Variants in LAMTOR4 observed in about 807,000 individuals in gnomAD.
LAMTOR4 encodes the protein late endosomal/lysosomal adaptor, MAPK and MTOR activator 4.
LAMTOR4 carries 11 observed loss-of-function variants against 13.5 expected under a neutral mutation model. The ratio of observed to expected loss-of-function variants is 0.82; its 90% CI spans 0.51 to 1.35. The LOEUF is 1.35. Ranked by LOEUF, LAMTOR4 falls within the 40% of genes most tolerant of loss-of-function variation. LAMTOR4 has a pLI of 0.00. For missense variants in LAMTOR4, 128 were observed against 126.2 expected, an observed-to-expected ratio of 1.01 and a Z score of -0.07; for synonymous variants, 69 against 52.3, an observed-to-expected ratio of 1.32 and a Z score of -1.38.
At chr7:100,149,140 G>GA (rs1798618611) in intron 1 of LAMTOR4, 165 bp downstream of exon 1, 2 of 907,008 alleles carry the variant, frequency 2.2e-6, no homozygotes, top group Non-Finnish European at 3.3e-6. Flanking sequence ...GAATGCTGGG[G>GA]AGGGGTCTGT....
In LAMTOR4 at chr7:100,153,920, G is replaced by A. The variant is rs1335429585; in HGVS notation, c.256G>A (p.Val86Met). ...LVTVSGQRVF[V>M]VKRQNRGREP... ...GACGGTGTCAGGACAGAGGGTGTTT[G>A]TGGTGAAGAGGCAGAACCGAGGTCG... Residue 86 changes from valine (V) to methionine (M), a missense_variant, in exon 4 of 4, where the codon GTG becomes ATG. Physicochemically the swap from Val to Met is conservative, Grantham distance 21. Coordinates refer to ENST00000341942, the MANE Select transcript of LAMTOR4 (RefSeq NM_001008395.4). The A allele has an allele frequency of 2.5e-6, 4 of 1,596,226 alleles. No individual in the cohort carries two copies. Among genetic ancestry groups the A allele is most frequent in the Non-Finnish European group, 3.4e-6 (4 of 1,172,204 alleles).
intron 2 of LAMTOR4, among the ~76,000 whole-genome samples, chr7:100,151,431 C>G (rs1798698665): frequency 6.6e-6 from 1 of 151,722 alleles, no homozygotes; most frequent in African/African-American, 2.4e-5. Context: ...CTCTGTCACC[C>G]AGGCTGGAGT....
Position 100,153,848 on chromosome 7 carries a change from A to G in LAMTOR4, c.203-19A>G, listed in dbSNP as rs1798799305. The G allele has an allele frequency of 6.6e-6, 10 of 1,524,900 alleles. No individual in the cohort carries two copies. Among genetic ancestry groups the G allele is most frequent in the Non-Finnish European group, 8.0e-6 (9 of 1,118,944 alleles). The allele number at this position is 1,524,900 out of a possible 1,614,324, so 94.5% of individuals were successfully genotyped here. On this transcript the variant is annotated intron_variant, in intron 3 of 3. Coordinates refer to ENST00000341942, the MANE Select transcript of LAMTOR4 (RefSeq NM_001008395.4). ...CCCTTCCCTCTCCTGGGGCGGGGGA[A>G]GGTGTGTCTCTCCTCCAGTGGTCTT... is the stretch of plus-strand genomic sequence containing the variant.
At chr7:100,149,434 G>T in intron 1 of LAMTOR4, 65 bp from the exon 2 acceptor site, 1 of 1,113,230 alleles carries the variant, frequency 9.0e-7, no homozygotes, top group Non-Finnish European at 1.4e-6. Context: ...GGGTTTGCAG[G>T]TGAAGGGTAT....
At chr7:100,150,271 CTTAAGG>C (rs962196653) in intron 2 of LAMTOR4, among the ~76,000 whole-genome samples, 1 of 152,144 alleles carries the variant, frequency 6.6e-6, no homozygotes, top group African/African-American at 2.4e-5. Flanking sequence ...AGAGACAAAG[CTTAAGG>C]TTAAGGGTTG....
At position 100,153,937 on chromosome 7, in the gene LAMTOR4, C is replaced by T; in HGVS notation, c.273C>T (p.Asn91=). The change falls in exon 4 of 4, where the codon AAC becomes AAT. Residue 91 remains asparagine, a synonymous_variant. Coordinates refer to ENST00000341942, the MANE Select transcript of LAMTOR4 (RefSeq NM_001008395.4). ...GQRVFVVKRQ[N]RGREPIDV ...GGGTGTTTGTGGTGAAGAGGCAGAA[C>T]CGAGGTCGGGAGCCCATTGATGTCT... 6.3e-7 allele frequency: 1 copy of T among 1,592,736 alleles called. No homozygotes were observed. Among genetic ancestry groups the T allele is most frequent in the Non-Finnish European group, 8.5e-7 (1 of 1,170,170 alleles).
In LAMTOR4 at chr7:100,148,963, G is replaced by A. The variant is rs762557535; in HGVS notation, c.-10G>A. On this transcript the variant is annotated 5_prime_UTR_variant, in exon 1 of 4. Transcript: ENST00000341942. ...TCTGGTAGGGAGCTCCCCCAGCACC[G>A]AAGACTGCGATGGTGAGTGAGGACG... 3 of 1,612,008 alleles carry A rather than the reference G, an allele frequency of 1.9e-6. No homozygotes were observed. Among genetic ancestry groups the A allele is most frequent in the African/African-American group, 1.3e-5 (1 of 74,916 alleles).
At chr7:100,151,364 A>C (rs1455345549) in intron 2 of LAMTOR4, among the ~76,000 whole-genome samples, 1 of 150,406 alleles carries the variant, frequency 6.6e-6, no homozygotes, top group Non-Finnish European at 1.5e-5. Context: ...GGCATAAGCC[A>C]CTGCACCCGG....
intron 2 of LAMTOR4, among the ~76,000 whole-genome samples, chr7:100,151,913 A>G (rs1477417963): frequency 6.7e-6 from 1 of 150,326 alleles, no homozygotes; most frequent in African/African-American, 2.4e-5. Context: ...TATGTTGCCC[A>G]GGCTGGTCTC....
rs529318376 is a variant in LAMTOR4 at position 100,153,371 on chromosome 7, G to A, written c.85-29G>A. On this transcript the variant is annotated intron_variant, in intron 2 of 3. Coordinates refer to ENST00000341942, the MANE Select transcript of LAMTOR4 (RefSeq NM_001008395.4). ...TTCCTGAGCCTGTGCCGTAATGCCCGCCCCTCTCCCTCCTCCGTCTGCATG... is the reference window on the plus strand; with the variant it reads ...TTCCTGAGCCTGTGCCGTAATGCCCACCCCTCTCCCTCCTCCGTCTGCATG... 3.3e-5 allele frequency: 49 copies of A among 1,493,086 alleles called. No individual in the cohort carries two copies. The African/African-American group carries it at 4.8e-4, about 15-fold the overall frequency. The allele number at this position is 1,493,086 out of a possible 1,614,324, so 92.5% of individuals were successfully genotyped here. A position where few individuals can be genotyped will look rare whatever the true frequency, so the allele number is the denominator to read the frequency against.
intron 1 of LAMTOR4, 47 bp downstream of exon 1, chr7:100,149,022 C>T (rs893040263): frequency 1.3e-6 from 2 of 1,597,258 alleles, no homozygotes; most frequent in East Asian, 2.2e-5. Context: ...GGTTCAGCGT[C>T]TCTGCTCCCC....
chr7:100,152,221 C>G (rs1350600529), intron 2 of LAMTOR4, among the ~76,000 whole-genome samples: 5 of 152,022 alleles, frequency 3.3e-5, no homozygotes, highest in African/African-American at 1.2e-4. Flanking sequence ...AGCACCCTAG[C>G]CAACATGGTG....
In LAMTOR4 at chr7:100,153,533, T is replaced by C; in HGVS notation, c.202+16T>C. The C allele has an allele frequency of 3.1e-6, 5 of 1,597,976 alleles. No individual in the cohort carries two copies. The highest frequency in any genetic ancestry group is 1.3e-5 in the African/African-American group (1 of 74,896). Reference sequence around the variant, plus strand: ...CGCCTGTCTGGTGAGCCCCTGCCCCTGCCCTTGGTGGTGGTACTGGGAGCG... The same window carrying C: ...CGCCTGTCTGGTGAGCCCCTGCCCCCGCCCTTGGTGGTGGTACTGGGAGCG... On this transcript the variant is annotated intron_variant, in intron 3 of 3. Coordinates refer to ENST00000341942, the MANE Select transcript of LAMTOR4 (RefSeq NM_001008395.4).
chr7:100,152,383 T>C (rs181350361), intron 2 of LAMTOR4, among the ~76,000 whole-genome samples: 3 of 149,454 alleles, frequency 2.0e-5, no homozygotes, highest in East Asian at 4.0e-4. Flanking sequence ...GCCTGGGTGA[T>C]AGAGTGAGAC....
At chr7:100,153,659 G>T (rs1798789755) in intron 3 of LAMTOR4, 142 bp downstream of exon 3, 1 of 791,806 alleles carries the variant, frequency 1.3e-6, no homozygotes, top group Non-Finnish European at 2.2e-6. Context: ...GGACTCCCTG[G>T]TATCAGAATT....
Position 100,153,899 on chromosome 7 carries a change from G to T in LAMTOR4, c.235G>T (p.Val79Leu), listed in dbSNP as rs777022535. ...VFGEHTLLVT[V>L]SGQRVFVVKR... The stretch of plus-strand genomic sequence containing the variant: ...TGGAGAACACACACTGCTGGTGACG[G>T]TGTCAGGACAGAGGGTGTTTGTGGT... The change falls in exon 4 of 4, where the codon GTG (valine) becomes TTG (leucine). Residue 79 changes from valine (V) to leucine (L), a missense_variant. Val to Leu is a conservative substitution (Grantham distance 32). Transcript: ENST00000341942. 3.1e-6 allele frequency: 5 copies of T among 1,592,216 alleles called. No homozygotes were observed. The South Asian group carries it at 5.7e-5, about 18-fold the overall frequency.
chr7:100,149,381 T>C (rs1392339033), intron 1 of LAMTOR4, 118 bp from the exon 2 acceptor site: 3 of 749,038 alleles, frequency 4.0e-6, no homozygotes, highest in Non-Finnish European at 7.3e-6. Flanking sequence ...GGGACCTGGC[T>C]GGGGAATGAG....
At position 100,154,009 on chromosome 7, in the gene LAMTOR4, C is replaced by A; in HGVS notation, c.*45C>A. 7.0e-7 allele frequency: 1 copy of A among 1,438,620 alleles called. No individual in the cohort carries two copies. Among genetic ancestry groups the A allele is most frequent in the Non-Finnish European group, 9.6e-7 (1 of 1,043,174 alleles). The allele number at this position is 1,438,620 out of a possible 1,614,324, so 89.1% of individuals were successfully genotyped here. A position where few individuals can be genotyped will look rare whatever the true frequency, so the allele number is the denominator to read the frequency against. The stretch of plus-strand genomic sequence containing the variant: ...TCGGAGAAGCGGATTGGGTCCTGGG[C>A]CTCTGTGATGAGGCAGGCACACCTG... On this transcript the variant is annotated 3_prime_UTR_variant, in exon 4 of 4. Coordinates refer to ENST00000341942, the MANE Select transcript of LAMTOR4 (RefSeq NM_001008395.4).
rs1562950155 is a variant in LAMTOR4 at position 100,153,467 on chromosome 7, G to A, written c.152G>A (p.Cys51Tyr). The A allele has an allele frequency of 2.5e-6, 4 of 1,610,184 alleles. No individual in the cohort carries two copies. The highest frequency in any genetic ancestry group is 3.4e-6 in the Non-Finnish European group (4 of 1,180,002). Reference sequence around the variant, plus strand: ...ATCTCTGAGCTGGTCAGCACAGCCTGCGGTTTCCGGCTGCACCGCGGCATG... The same window carrying A: ...ATCTCTGAGCTGGTCAGCACAGCCTACGGTTTCCGGCTGCACCGCGGCATG... ...SAISELVSTA[C>Y]GFRLHRGMNV... Residue 51 changes from cysteine (C) to tyrosine (Y), a missense_variant, in exon 3 of 4, where the codon TGC becomes TAC. Cys to Tyr is a radical substitution (Grantham distance 194, BLOSUM62 -2). Coordinates refer to ENST00000341942, the MANE Select transcript of LAMTOR4 (RefSeq NM_001008395.4).
Sources: allele counts gnomAD v4.1 joint callset (sites outside exome capture counted in the v4.1 genomes callset), GRCh38; gene constraint gnomAD v4.1.1; transcripts MANE v1.5; gene names NCBI Gene and HGNC (gene_info 2026-07-23, HGNC 2026-07-21).